Variants in GFI1B observed in about 807,000 individuals in gnomAD.
GFI1B encodes zinc finger protein Gfi-1b.
In GFI1B, 20 loss-of-function variants were observed where a neutral mutation model predicts 35.3. That is an observed-to-expected ratio of 0.57 (90% CI 0.40 to 0.82). The LOEUF (loss-of-function observed/expected upper bound fraction) is 0.82, where lower values mean the gene tolerates loss of function less well. GFI1B is among the 40% of genes least tolerant of loss of function. The probability of loss-of-function intolerance (pLI) is 0.00; values close to 1 mark genes in which losing one functional copy is unlikely to be tolerated. For missense variants in GFI1B, 430 were observed against 446.3 expected, an observed-to-expected ratio of 0.96 and a Z score of 0.33; for synonymous variants, 178 against 177.6, an observed-to-expected ratio of 1.00 and a Z score of -0.02.
At chr9:132,979,058 C>T (rs887922901) in intron 1 of GFI1B, among the ~76,000 whole-genome samples, 166 of 152,246 alleles carry the variant, frequency 1.1e-3, no homozygotes, top group Non-Finnish European at 1.3e-3. Context: ...GCCGGCTGCG[C>T]AGAAACACTT....
At position 132,986,720 on chromosome 9, in the gene GFI1B, C is replaced by T. The variant is rs201177977; in HGVS notation, c.42C>T (p.Thr14=). 28 of 1,613,032 alleles carry T rather than the reference C, an allele frequency of 1.7e-5. No individual in the cohort carries two copies. The African/African-American group carries it at 3.5e-4, about 20-fold the overall frequency. Residue 14 remains threonine (T), a synonymous_variant, in exon 2 of 7, where the codon ACC becomes ACT. Transcript: ENST00000372122. Reference sequence around the variant, plus strand: ...TGGTGAAGAGCAAGAAGGCTCACACCTACCACCAGCCCCGTGTGCAGGAAG... The same window carrying T: ...TGGTGAAGAGCAAGAAGGCTCACACTTACCACCAGCCCCGTGTGCAGGAAG... The part of the protein sequence containing the change: ...SFLVKSKKAH[T]YHQPRVQEDE...
chr9:132,965,013 T>G (rs1158858180), intron 1 of GFI1B, among the ~76,000 whole-genome samples: 1 of 152,190 alleles, frequency 6.6e-6, no homozygotes, highest in East Asian at 1.9e-4. Flanking sequence ...TATGTACATA[T>G]CAATAATTTA....
At chr9:132,980,698 G>A (rs2132624692) in intron 1 of GFI1B, among the ~76,000 whole-genome samples, 1 of 152,038 alleles carries the variant, frequency 6.6e-6, no homozygotes, top group African/African-American at 2.4e-5. Flanking sequence ...CTCACCTCTG[G>A]CAACCTCTAT....
chr9:132,958,381 C>T (rs920895471), intron 1 of GFI1B, among the ~76,000 whole-genome samples: 22 of 152,124 alleles, frequency 1.4e-4, no homozygotes, highest in East Asian at 3.9e-4. Context: ...AGAACCATAG[C>T]GGCATCTGCT....
intron 1 of GFI1B, among the ~76,000 whole-genome samples, chr9:132,965,949 T>C (rs992912494): frequency 2.6e-5 from 4 of 152,266 alleles, no homozygotes; most frequent in African/African-American, 4.8e-5. Flanking sequence ...CATGTTTACC[T>C]ATGTAACAAA....
intron 1 of GFI1B, among the ~76,000 whole-genome samples, chr9:132,981,760 CT>C (rs60174613): frequency 0.034 from 4,941 of 146,086 alleles, 223 homozygotes; most frequent in African/African-American, 0.11. Flanking sequence ...CCCCTTGAAT[CT>C]TTTTTTTTTT....
At chr9:132,962,903 T>C (rs1178681609) in intron 1 of GFI1B, among the ~76,000 whole-genome samples, 2 of 131,820 alleles carry the variant, frequency 1.5e-5, no homozygotes, top group Admixed American at 8.0e-5. Context: ...AAAACCCATC[T>C]CTACTAAAAA....
chr9:132,990,046 G>T (rs1276287909), intron 6 of GFI1B, 139 bp downstream of exon 6: 5 of 748,714 alleles, frequency 6.7e-6, no homozygotes, highest in Non-Finnish European at 2.3e-6. Flanking sequence ...TGGAGGGCTG[G>T]GCACCTGTGC....
In GFI1B at chr9:132,989,284, T is replaced by C. The variant is rs1588441896; in HGVS notation, c.648+86T>C. ...AGCCTGGGGGCTGTGGCTGGGTCCCTCCCCCTGCCCCTGGGGGTGACACAG... is the reference window on the plus strand; with the variant it reads ...AGCCTGGGGGCTGTGGCTGGGTCCCCCCCCCTGCCCCTGGGGGTGACACAG... On this transcript the variant is annotated intron_variant, in intron 5 of 6. Transcript: ENST00000372122. The surrounding 1 kb of genome is among the most constrained non-coding windows in gnomAD (Gnocchi z 6.2). The C allele has an allele frequency of 1.3e-5, 17 of 1,328,236 alleles. No individual in the cohort carries two copies. The highest frequency in any genetic ancestry group is 2.3e-5 in the East Asian group (1 of 43,078). 82.3% of individuals were successfully genotyped at this position (1,328,236 alleles called of 1,614,324 possible). A position where few individuals can be genotyped will look rare whatever the true frequency, so the allele number is the denominator to read the frequency against.
intron 1 of GFI1B, among the ~76,000 whole-genome samples, chr9:132,955,790 ATGTGTGTGTG>A (rs907980157): frequency 7.1e-6 from 1 of 141,658 alleles, no homozygotes; most frequent in African/African-American, 2.6e-5. Flanking sequence ...AACCAACGTG[ATGTGTGTGTG>A]TGTGTGCATG....
chr9:132,962,180 C>G (rs2132596933), intron 1 of GFI1B, among the ~76,000 whole-genome samples: 1 of 145,356 alleles, frequency 6.9e-6, no homozygotes, highest in East Asian at 2.1e-4. Context: ...CTCTGTCACA[C>G]AGGCTGGAGT....
chr9:132,983,190 CT>C (rs66711864), intron 1 of GFI1B, among the ~76,000 whole-genome samples: 9,913 of 98,416 alleles, frequency 0.1, 257 homozygotes, highest in African/African-American at 0.14. Context: ...TTTCTCCCTC[CT>C]TTTTTTTTTT....
chr9:132,947,047 C>T (rs997136620), intron 1 of GFI1B: 7 of 152,400 alleles, frequency 4.6e-5, no homozygotes, highest in African/African-American at 1.7e-4. Context: ...TGATTTTTGT[C>T]ATTTGCTCAA....
intron 1 of GFI1B, among the ~76,000 whole-genome samples, chr9:132,958,620 C>A (rs1268628000): frequency 6.6e-6 from 1 of 152,210 alleles, no homozygotes; most frequent in Non-Finnish European, 1.5e-5. Flanking sequence ...TCCCACCAGA[C>A]CCCACCTCCA....
At chr9:132,979,384 C>T (rs945227542) in intron 1 of GFI1B, among the ~76,000 whole-genome samples, 4 of 151,396 alleles carry the variant, frequency 2.6e-5, no homozygotes, top group Admixed American at 6.6e-5. Context: ...GGATTACAGG[C>T]GCGTGTTACC....
intron 2 of GFI1B, among the ~76,000 whole-genome samples, chr9:132,973,106 G>A (rs1042221211): frequency 3.3e-5 from 5 of 152,200 alleles, no homozygotes; most frequent in Non-Finnish European, 5.9e-5. Context: ...CCCCTGGAGG[G>A]CAGGGACCAC....
chr9:132,976,661 T>G (rs1848640352), upstream of GFI1B: 1 of 152,182 alleles, frequency 6.6e-6, no homozygotes, highest in Non-Finnish European at 1.5e-5. Flanking sequence ...AGAAGTAGAT[T>G]CACTCACTTT....
intron 1 of GFI1B, among the ~76,000 whole-genome samples, chr9:132,963,513 T>A (rs921110396): frequency 3.3e-5 from 5 of 151,972 alleles, no homozygotes; most frequent in African/African-American, 7.2e-5. Context: ...TTGTTATTAT[T>A]ATTTTCCCTT....
chr9:132,970,510 G>A (rs554967324), intron 1 of GFI1B, among the ~76,000 whole-genome samples: 8 of 152,300 alleles, frequency 5.3e-5, no homozygotes, highest in African/African-American at 1.7e-4. Flanking sequence ...CCATGGCCAC[G>A]CTTCCTGATC....
Sources: gnomAD v4.1 joint callset for allele counts (sites outside exome capture counted in the v4.1 genomes callset) on GRCh38, gnomAD v4.1.1 for gene constraint, Gnocchi (gnomAD v3.1) non-coding constraint, MANE v1.5 for transcripts, NCBI Gene and HGNC (gene_info 2026-07-23, HGNC 2026-07-21) for gene names.